The following ITGA6 variants were observed in gnomAD, a reference collection of about 807,000 sequenced individuals.
ITGA6 encodes the protein integrin subunit alpha 6.
A neutral mutation model predicts 133.6 loss-of-function variants in ITGA6; 63 were observed. The ratio of observed to expected loss-of-function variants is 0.47; its 90% confidence interval spans 0.38 to 0.58. ITGA6 has a LOEUF of 0.58. Among genes scored for constraint, ITGA6 ranks in the 20% least tolerant of loss-of-function variants. ITGA6 has a pLI of 0.00. For missense variants in ITGA6, 1,068 were observed against 1,309.4 expected (o/e 0.82, Z 2.85); for synonymous variants, 434 against 482.0 (o/e 0.90, Z 1.30).
At chr2:172,500,003 C>A (rs1294150220) in intron 24 of ITGA6, among the ~76,000 whole-genome samples, 1 of 151,996 alleles carries the variant, frequency 6.6e-6, no homozygotes, top group Non-Finnish European at 1.5e-5. Context: ...CTTATACAAC[C>A]CCACATGAGA....
chr2:172,461,623 A>C (rs1685429783), intron 1 of ITGA6, among the ~76,000 whole-genome samples: 1 of 152,156 alleles, frequency 6.6e-6, no homozygotes, highest in Admixed American at 6.5e-5. Context: ...TGGTCCTAGG[A>C]GTTGCTGTGA....
chr2:172,487,043 A>G lies in ITGA6; in HGVS notation c.1875A>G (p.Gly625=). Residue 625 remains glycine, a synonymous_variant, in exon 14 of 26, where the codon GGA becomes GGG. Transcript: ENST00000684293. ...AHIDVHFLKE[G]CGDDNVCNSN... ...TACAGGTTCACTTCTTAAAAGAGGG[A>G]TGTGGAGACGACAATGTATGTAACA... The G allele has an allele frequency of 6.2e-7, 1 of 1,608,202 alleles. No individual in the cohort carries two copies. The highest frequency in any genetic ancestry group is 2.2e-5 in the East Asian group (1 of 44,848).
rs72218248 is a variant in ITGA6, at chr2:172,458,246, CT to C, written c.183-7279del. 3.4e-3 allele frequency among the ~76,000 whole-genome samples: 493 copies of C among 143,430 alleles called. 1 individual carries two copies. Among genetic ancestry groups the C allele is most frequent in the African/African-American group, 5.1e-3 (197 of 38,926 alleles). 94.1% of individuals were successfully genotyped at this position (143,430 alleles called of 152,430 possible). On this transcript the variant is annotated intron_variant, in intron 1 of 25. Transcript: ENST00000684293. ...TTACAATGCACAAAAATAATGAATT[CT>C]TTTTTTTTTTTTTGAGACCATCTTT...
At chr2:172,440,413 A>G (rs909454056) in intron 1 of ITGA6, among the ~76,000 whole-genome samples, 22 of 152,210 alleles carry the variant, frequency 1.4e-4, no homozygotes, top group African/African-American at 5.3e-4. Context: ...TATACATAAC[A>G]TAAAATTTAT....
Position 172,476,469 on chromosome 2 carries a change from T to C in ITGA6, c.1344T>C (p.Pro448=), listed in dbSNP as rs1444366313. 1.2e-6 allele frequency: 2 copies of C among 1,611,698 alleles called. No individual in the cohort carries two copies. The highest frequency in any genetic ancestry group is 1.7e-6 in the Non-Finnish European group (2 of 1,177,996). ...TGGACCTTGATCGAAATTCCTACCC[T>C]GATGTTGCTGTTGGTTCCCTCTCAG... ...GNMDLDRNSY[P]DVAVGSLSDS... Residue 448 remains proline (P), a synonymous_variant, in exon 9 of 26, where the codon CCT becomes CCC. Coordinates refer to ENST00000684293, the MANE Select transcript of ITGA6 (RefSeq NM_000210.4).
intron 20 of ITGA6, 165 bp from the exon 21 acceptor site, chr2:172,490,859 A>G (rs918036886): frequency 3.3e-6 from 2 of 612,896 alleles, no homozygotes; most frequent in Admixed American, 5.7e-5. Flanking sequence ...TAGAGTGATA[A>G]TACTTGCTGG....
chr2:172,456,846 TTC>T (rs1685228202), intron 1 of ITGA6, among the ~76,000 whole-genome samples: 1 of 152,268 alleles, frequency 6.6e-6, no homozygotes, highest in African/African-American at 2.4e-5. Flanking sequence ...TACAAAATTG[TTC>T]TCTTATGAGA....
At chr2:172,476,571 G>A (rs1574381841) in intron 9 of ITGA6, 58 bp downstream of exon 9, 1 of 1,043,834 alleles carries the variant, frequency 9.6e-7, no homozygotes, top group East Asian at 2.4e-5. Context: ...ATACTAAAAT[G>A]TTGACCTTTT....
chr2:172,444,049 C>T (rs1327133313), intron 1 of ITGA6, among the ~76,000 whole-genome samples: 2 of 152,222 alleles, frequency 1.3e-5, no homozygotes, highest in Non-Finnish European at 2.9e-5. Context: ...TCTGGGATTA[C>T]AGGAGTGAGC....
chr2:172,467,380 C>CA, intron 2 of ITGA6, 101 bp from the exon 3 acceptor site: 3 of 829,508 alleles, frequency 3.6e-6, no homozygotes, highest in Non-Finnish European at 6.2e-6. Context: ...TAGCTAGACT[C>CA]AGAGTCGAGG....
At chr2:172,460,981 G>A (rs1685406347) in intron 1 of ITGA6, among the ~76,000 whole-genome samples, 1 of 152,240 alleles carries the variant, frequency 6.6e-6, no homozygotes, top group Non-Finnish European at 1.5e-5. Context: ...AAGTGTCCCA[G>A]TGTTTAGAAC....
Position 172,474,052 on chromosome 2 carries a change from T to C in ITGA6, c.776-3T>C, listed in dbSNP as rs1347279401. On this transcript the variant is annotated splice_region_variant and splice_polypyrimidine_tract_variant and intron_variant, in intron 5 of 25. Coordinates refer to ENST00000684293, the MANE Select transcript of ITGA6 (RefSeq NM_000210.4). The stretch of plus-strand genomic sequence containing the variant: ...AGGGGCTCTATATATTTTGTTTTTC[T>C]AGGTTTTTCTTTGGACTCAGGGAAA... 6.2e-7 allele frequency: 1 copy of C among 1,610,210 alleles called. No homozygotes were observed. Among genetic ancestry groups the C allele is most frequent in the East Asian group, 2.2e-5 (1 of 44,872 alleles).
At chr2:172,497,502 C>CAAAA (rs34616494) in intron 23 of ITGA6, among the ~76,000 whole-genome samples, 1,586 of 89,422 alleles carry the variant, frequency 0.018, 45 homozygotes, top group African/African-American at 0.055. Flanking sequence ...ACCCTGTCTC[C>CAAAA]AAAAAAAAAA....
At chr2:172,431,103 A>G (rs1442051265) in intron 1 of ITGA6, among the ~76,000 whole-genome samples, 1 of 152,158 alleles carries the variant, frequency 6.6e-6, no homozygotes, top group Non-Finnish European at 1.5e-5. Flanking sequence ...TCTTCCAGAA[A>G]TGCTCCAGGC....
chr2:172,449,010 G>A (rs1049139606), intron 1 of ITGA6, among the ~76,000 whole-genome samples: 1 of 152,208 alleles, frequency 6.6e-6, no homozygotes, highest in Admixed American at 6.5e-5. Context: ...GTGTTTATGG[G>A]GTTGGGGGCA....
At chr2:172,437,491 G>A (rs992479130) in intron 1 of ITGA6, among the ~76,000 whole-genome samples, 1 of 152,188 alleles carries the variant, frequency 6.6e-6, no homozygotes, top group African/African-American at 2.4e-5. Context: ...TGAGCAGCTG[G>A]AAGGATGGAG....
chr2:172,457,958 T>A (rs1445891080), intron 1 of ITGA6, among the ~76,000 whole-genome samples: 3 of 152,070 alleles, frequency 2.0e-5, no homozygotes, highest in Non-Finnish European at 4.4e-5. Flanking sequence ...AGTCTAGAGT[T>A]CATCATGTGC....
At chr2:172,472,845 G>T in intron 5 of ITGA6, 1 of 1,612,552 alleles carries the variant, frequency 6.2e-7, no homozygotes, top group South Asian at 1.1e-5. Context: ...GCCTCCCCGG[G>T]AGCAGCCTGA....
At chr2:172,457,252 A>G (rs550141762) in intron 1 of ITGA6, among the ~76,000 whole-genome samples, 88 of 147,158 alleles carry the variant, frequency 6.0e-4, no homozygotes, top group Non-Finnish European at 7.4e-5. Flanking sequence ...CCGAGATCAC[A>G]ACACTGCACT....
Sources: gnomAD v4.1 joint callset for allele counts (sites outside exome capture counted in the v4.1 genomes callset) on GRCh38, gnomAD v4.1.1 for gene constraint, MANE v1.5 for transcripts, NCBI Gene and HGNC (gene_info 2026-07-23, HGNC 2026-07-21) for gene names.